Variants in MCPH1 observed in about 807,000 individuals in gnomAD.
MCPH1 encodes the protein microcephalin 1, also known as microcephalin.
Under a neutral mutation model 84.5 loss-of-function variants are expected in MCPH1, and 104 were observed. The observed-to-expected ratio is 1.23, with a 90% CI of 1.05 to 1.45. The LOEUF (loss-of-function observed/expected upper bound fraction) is 1.45, where lower values mean the gene tolerates loss of function less well. Among genes scored for constraint, MCPH1 ranks in the 40% most tolerant of loss-of-function variants. MCPH1 has a pLI of 0.00. For missense variants in MCPH1, 1,498 were observed against 1,005.7 expected, an observed-to-expected ratio of 1.49 and a Z score of -6.62; for synonymous variants, 514 against 366.8, an observed-to-expected ratio of 1.40 and a Z score of -4.58.
At chr8:6,529,437 A>G (rs1486649615) in intron 12 of MCPH1, among the ~76,000 whole-genome samples, 1 of 150,920 alleles carries the variant, frequency 6.6e-6, no homozygotes, top group African/African-American at 2.4e-5. Flanking sequence ...GGCCTTCCTT[A>G]AGCTCAGCCA....
In MCPH1 at chr8:6,555,409, C is replaced by G. The variant is rs117213227; in HGVS notation, c.2214+55480C>G. Among the ~76,000 whole-genome samples the G allele has an allele frequency of 6.6e-4, 101 of 152,058 alleles. 2 individuals carry two copies. In the East Asian group the frequency reaches 0.015, roughly 23 times the overall value. ...TAGATGTATGGTTTGTAAGAATATC[C>G]CATGTATACTTCCTCTTGGTTATAA... On this transcript the variant is annotated intron_variant, in intron 12 of 13. Coordinates refer to ENST00000344683, the MANE Select transcript of MCPH1 (RefSeq NM_024596.5).
Position 6,621,610 on chromosome 8 carries a change from C to T in MCPH1, c.2371C>T (p.Arg791Cys), listed in dbSNP as rs373345310. Residue 791 changes from arginine (R) to cysteine (C), a missense_variant, in exon 13 of 14, where the codon CGC (arginine) becomes TGC (cysteine). Coordinates refer to ENST00000344683, the MANE Select transcript of MCPH1 (RefSeq NM_024596.5). ...CGGAGGCCGGGTCAGCCAAGTCCCC[C>T]GCCAGGCCAGCATCGTCATCGGGCC... Reference protein sequence around the residue: ...LCGGRVSQVPRQASIVIGPYS... With the variant: ...LCGGRVSQVPCQASIVIGPYS... 5.0e-6 allele frequency: 8 copies of T among 1,614,096 alleles called. No homozygotes were observed. The highest frequency in any genetic ancestry group is 5.9e-6 in the Non-Finnish European group (7 of 1,180,046).
At chr8:6,609,114 C>G (rs970575267) in intron 12 of MCPH1, among the ~76,000 whole-genome samples, 3 of 152,196 alleles carry the variant, frequency 2.0e-5, no homozygotes, top group Non-Finnish European at 4.4e-5. Flanking sequence ...TCTATGCCAC[C>G]TATCAGACCA....
chr8:6,599,809 G>T (rs1829226237), intron 12 of MCPH1, among the ~76,000 whole-genome samples: 1 of 152,276 alleles, frequency 6.6e-6, no homozygotes, highest in Non-Finnish European at 1.5e-5. Context: ...CAGCTATCAA[G>T]ATTAAATAAA....
intron 12 of MCPH1, among the ~76,000 whole-genome samples, chr8:6,506,921 G>C (rs2129565112): frequency 6.6e-6 from 1 of 151,526 alleles, no homozygotes; most frequent in African/African-American, 2.4e-5. Context: ...TTTTGAGACG[G>C]AGTCTCACTC....
intron 3 of MCPH1, among the ~76,000 whole-genome samples, chr8:6,420,813 G>A (rs912826883): frequency 2.0e-5 from 3 of 152,158 alleles, no homozygotes; most frequent in East Asian, 1.9e-4. Context: ...CAGCAAACAC[G>A]TATGGGTTTG....
At position 6,445,337 on chromosome 8, in the gene MCPH1, G is replaced by T; in HGVS notation, c.1615G>T (p.Asp539Tyr). 1 of 1,614,238 alleles carries T rather than the reference G, an allele frequency of 6.2e-7. No individual in the cohort carries two copies. Among genetic ancestry groups the T allele is most frequent in the Non-Finnish European group, 8.5e-7 (1 of 1,180,038 alleles). The change falls in exon 8 of 14, where the codon GAT (aspartate) becomes TAT (tyrosine). Residue 539 changes from aspartate to tyrosine, a missense_variant. Transcript: ENST00000344683. ...GGACCCTGCTCTTCCAAAAGGACAT[G>T]ATGATGATTTAACTCCTTTGGAAGG... The part of the protein sequence containing the change: ...IEDPALPKGH[D>Y]DDLTPLEGSL...
chr8:6,556,834 C>T (rs1369708282), intron 12 of MCPH1, among the ~76,000 whole-genome samples: 1 of 152,082 alleles, frequency 6.6e-6, no homozygotes, highest in African/African-American at 2.4e-5. Flanking sequence ...AAGTGTCTTC[C>T]CATCTTGGCC....
At position 6,648,390 on chromosome 8, in the gene MCPH1, G is replaced by C. The variant is rs1403098982; in HGVS notation, c.*5341G>C. 6.6e-6 allele frequency: 1 copy of C among 152,248 alleles called. No individual in the cohort carries two copies. The highest frequency in any genetic ancestry group is 1.5e-5 in the Non-Finnish European group (1 of 68,050). 9.4% of individuals were successfully genotyped at this position (152,248 alleles called of 1,614,324 possible). On this transcript the variant is annotated 3_prime_UTR_variant, in exon 14 of 14. Coordinates refer to ENST00000344683, the MANE Select transcript of MCPH1 (RefSeq NM_024596.5). ...AGCTACCCAGAGGACCCATCAGACA[G>C]AAAGTAATATGCAGATAACAGCCCA...
intron 3 of MCPH1, among the ~76,000 whole-genome samples, chr8:6,416,985 G>GA (rs59266849): frequency 6.7e-4 from 96 of 143,976 alleles, no homozygotes; most frequent in South Asian, 1.3e-3. Flanking sequence ...CAAGAGCGGG[G>GA]AAAAAAAAAA....
chr8:6,445,816 T>G (rs1361973453), intron 8 of MCPH1: 1 of 1,206,632 alleles, frequency 8.3e-7, no homozygotes, highest in African/African-American at 1.6e-5. Context: ...GGATAAGTAG[T>G]CCATAGTATG....
chr8:6,597,275 C>T (rs17625642), intron 12 of MCPH1, among the ~76,000 whole-genome samples: 39,435 of 152,004 alleles, frequency 0.26, 5,552 homozygotes, highest in South Asian at 0.33. Flanking sequence ...ACTGTCGACC[C>T]GGAGCCAATG....
At chr8:6,565,338 G>A (rs1477641601) in intron 12 of MCPH1, among the ~76,000 whole-genome samples, 1 of 149,968 alleles carries the variant, frequency 6.7e-6, no homozygotes, top group Non-Finnish European at 1.5e-5. Context: ...CAAAGCAGTG[G>A]CAGTGGCATA....
chr8:6,608,739 A>G (rs747859631), intron 12 of MCPH1, among the ~76,000 whole-genome samples: 11 of 152,166 alleles, frequency 7.2e-5, no homozygotes, highest in Admixed American at 2.6e-4. Context: ...AATTGTTTCA[A>G]ACTCCCCGGG....
At chr8:6,563,784 T>C (rs561168375) in intron 12 of MCPH1, among the ~76,000 whole-genome samples, 3 of 152,160 alleles carry the variant, frequency 2.0e-5, no homozygotes, top group Non-Finnish European at 4.4e-5. Flanking sequence ...AAGATTTTCA[T>C]TTCCGAACAG....
chr8:6,420,141 C>G (rs911173260), intron 3 of MCPH1, among the ~76,000 whole-genome samples: 1 of 151,532 alleles, frequency 6.6e-6, no homozygotes, highest in Non-Finnish European at 1.5e-5. Context: ...TTCTTTTTTT[C>G]ACTGCCATTG....
At chr8:6,597,155 A>G (rs1392852591) in intron 12 of MCPH1, among the ~76,000 whole-genome samples, 1 of 152,066 alleles carries the variant, frequency 6.6e-6, no homozygotes, top group Non-Finnish European at 1.5e-5. Context: ...TAATAAAATC[A>G]CCTGCCTATA....
chr8:6,640,059 C>CCT (rs571514899), intron 13 of MCPH1, among the ~76,000 whole-genome samples: 3 of 134,196 alleles, frequency 2.2e-5, no homozygotes, highest in African/African-American at 8.4e-5. Context: ...ATTTTAAACT[C>CCT]GTGTGTGTGT....
intron 12 of MCPH1, among the ~76,000 whole-genome samples, chr8:6,557,809 ACAGT>A (rs1370915803): frequency 9.9e-5 from 15 of 152,140 alleles, no homozygotes; most frequent in African/African-American, 3.6e-4. Context: ...TAATTGGAAA[ACAGT>A]CTGTCCGTGT....
Sources: allele counts gnomAD v4.1 joint callset (sites outside exome capture counted in the v4.1 genomes callset), GRCh38; gene constraint gnomAD v4.1.1; transcripts MANE v1.5; gene names NCBI Gene and HGNC (gene_info 2026-07-23, HGNC 2026-07-21).